The following ELAPOR1 variants were observed in gnomAD, a reference collection of about 807,000 sequenced individuals.
ELAPOR1 encodes endosome/lysosome-associated apoptosis and autophagy regulator 1.
Under a neutral mutation model 119.7 loss-of-function variants are expected in ELAPOR1, and 77 were observed. The ratio of observed to expected loss-of-function variants is 0.64; its 90% confidence interval spans 0.54 to 0.78. ELAPOR1 has a LOEUF of 0.78. ELAPOR1 is among the 30% of genes least tolerant of loss of function. The pLI is 0.00. For synonymous variants in ELAPOR1, 481 were observed against 487.2 expected (o/e 0.99, Z 0.17); for missense variants, 1,115 against 1,270.4 (o/e 0.88, Z 1.86).
chr1:109,170,999 G>T (rs1377612003), intron 3 of ELAPOR1, among the ~76,000 whole-genome samples: 2 of 152,156 alleles, frequency 1.3e-5, no homozygotes, highest in Non-Finnish European at 2.9e-5. Flanking sequence ...TGGAAAAACA[G>T]GTAGACTAGA....
intron 11 of ELAPOR1, among the ~76,000 whole-genome samples, chr1:109,190,560 C>T (rs577204036): frequency 1.4e-4 from 22 of 152,356 alleles, no homozygotes; most frequent in Non-Finnish European, 3.1e-4. Context: ...TGCTTCCCAT[C>T]CCTGGGATGT....
intron 7 of ELAPOR1, among the ~76,000 whole-genome samples, chr1:109,184,227 C>T (rs1227096714): frequency 2.0e-5 from 3 of 152,032 alleles, no homozygotes; most frequent in Admixed American, 6.6e-5. Context: ...CAAAATTAGC[C>T]AGGCATGGTG....
intron 21 of ELAPOR1, 92 bp downstream of exon 21, chr1:109,200,992 A>G (rs1455644434): frequency 8.1e-7 from 1 of 1,242,002 alleles, no homozygotes; most frequent in Admixed American, 2.5e-5. Flanking sequence ...CCGTTCAGGG[A>G]TGGGCACCCT....
At chr1:109,176,917 TG>T (rs1652329328) in intron 7 of ELAPOR1, among the ~76,000 whole-genome samples, 1 of 145,996 alleles carries the variant, frequency 6.8e-6, no homozygotes, top group Admixed American at 6.8e-5. Context: ...AGCACAGGGT[TG>T]GGGGTAAGGT....
At chr1:109,200,630 C>T in intron 20 of ELAPOR1, 105 bp from the exon 21 acceptor site, 1 of 1,064,414 alleles carries the variant, frequency 9.4e-7, no homozygotes. Flanking sequence ...AGTCTCCTTA[C>T]CCATGGCATG....
At chr1:109,119,807 G>C (rs1440998145) in intron 1 of ELAPOR1, among the ~76,000 whole-genome samples, 1 of 152,154 alleles carries the variant, frequency 6.6e-6, no homozygotes. Flanking sequence ...CTGGTGTGCA[G>C]GTACACGTTT....
chr1:109,174,593 G>T (rs927063368), intron 7 of ELAPOR1, among the ~76,000 whole-genome samples: 1 of 151,698 alleles, frequency 6.6e-6, no homozygotes, highest in South Asian at 2.1e-4. Context: ...TAAACAAAAA[G>T]AAATAGATGA....
chr1:109,190,315 T>G (rs994842481), intron 11 of ELAPOR1, among the ~76,000 whole-genome samples: 1 of 152,240 alleles, frequency 6.6e-6, no homozygotes, highest in Non-Finnish European at 1.5e-5. Context: ...TAAGACTAAC[T>G]GAGGTTCAGA....
At chr1:109,123,380 T>C (rs987289117) in intron 1 of ELAPOR1, among the ~76,000 whole-genome samples, 11 of 152,222 alleles carry the variant, frequency 7.2e-5, no homozygotes, top group African/African-American at 2.7e-4. Flanking sequence ...CTTTACAGTA[T>C]GCCACAAGAT....
At chr1:109,157,681 G>A (rs144695841) in intron 1 of ELAPOR1, among the ~76,000 whole-genome samples, 60 of 152,182 alleles carry the variant, frequency 3.9e-4, no homozygotes, top group Non-Finnish European at 6.8e-4. Flanking sequence ...GGGAAGGGGC[G>A]GTGGGATCAC....
At chr1:109,181,391 C>A (rs1366347862) in intron 7 of ELAPOR1, among the ~76,000 whole-genome samples, 1 of 152,114 alleles carries the variant, frequency 6.6e-6, no homozygotes, top group Non-Finnish European at 1.5e-5. Flanking sequence ...AACACAGAGG[C>A]CCATCTTCCA....
chr1:109,123,239 T>C (rs1380794260), intron 1 of ELAPOR1, among the ~76,000 whole-genome samples: 1 of 152,206 alleles, frequency 6.6e-6, no homozygotes, highest in African/African-American at 2.4e-5. Flanking sequence ...TTGCCATTTT[T>C]GAAGCATACC....
At chr1:109,163,816 G>C (rs1171948947) in intron 2 of ELAPOR1, among the ~76,000 whole-genome samples, 1 of 152,188 alleles carries the variant, frequency 6.6e-6, no homozygotes, top group Non-Finnish European at 1.5e-5. Flanking sequence ...CACCTAGCAT[G>C]GTGGCAGTAC....
chr1:109,186,201 C>T (rs1389665266), intron 8 of ELAPOR1, among the ~76,000 whole-genome samples: 4 of 151,922 alleles, frequency 2.6e-5, no homozygotes, highest in African/African-American at 7.3e-5. Context: ...AGGGAGGAGC[C>T]GTGGAGCTTT....
intron 1 of ELAPOR1, among the ~76,000 whole-genome samples, chr1:109,160,483 A>G (rs1000220981): frequency 4.6e-5 from 7 of 152,140 alleles, no homozygotes; most frequent in Non-Finnish European, 1.5e-5. Flanking sequence ...TCTTGATTTC[A>G]TAGATGTTAG....
At chr1:109,178,897 G>A (rs750888602) in intron 7 of ELAPOR1, among the ~76,000 whole-genome samples, 4 of 151,776 alleles carry the variant, frequency 2.6e-5, no homozygotes, top group Non-Finnish European at 5.9e-5. Context: ...CCTGGGAGGT[G>A]GAGGCTGCAG....
At chr1:109,175,239 A>G (rs1031526361) in intron 7 of ELAPOR1, among the ~76,000 whole-genome samples, 3 of 151,072 alleles carry the variant, frequency 2.0e-5, no homozygotes, top group Non-Finnish European at 1.5e-5. Flanking sequence ...TTGTTGCCCA[A>G]GCTGGAGTGC....
At chr1:109,169,136 C>T (rs1028204157) in intron 3 of ELAPOR1, among the ~76,000 whole-genome samples, 1 of 151,300 alleles carries the variant, frequency 6.6e-6, no homozygotes, top group Non-Finnish European at 1.5e-5. Flanking sequence ...TATATGTTTT[C>T]GTTTTGAGAA....
At chr1:109,169,231 T>C (rs1651779554) in intron 3 of ELAPOR1, among the ~76,000 whole-genome samples, 1 of 152,136 alleles carries the variant, frequency 6.6e-6, no homozygotes, top group South Asian at 2.1e-4. Context: ...TGAGATTCCT[T>C]TAACTGGCTA....
Sources: gnomAD v4.1 joint callset for allele counts (sites outside exome capture counted in the v4.1 genomes callset) on GRCh38, gnomAD v4.1.1 for gene constraint, MANE v1.5 for transcripts, NCBI Gene and HGNC (gene_info 2026-07-23, HGNC 2026-07-21) for gene names.